The following ANGPT1 variants were observed in gnomAD, a reference collection of about 807,000 sequenced individuals.
The protein encoded by ANGPT1 is angiopoietin 1.
ANGPT1 carries 17 observed loss-of-function variants against 62.2 expected under a neutral mutation model. That is an observed-to-expected ratio of 0.27 (90% CI 0.19 to 0.41). The LOEUF (loss-of-function observed/expected upper bound fraction) is 0.41, where lower values mean the gene tolerates loss of function less well. Among genes scored for constraint, ANGPT1 ranks in the 10% least tolerant of loss-of-function variants. The pLI is 1.00. For synonymous variants in ANGPT1, 199 were observed against 198.9 expected (o/e 1.00, Z 0.00); for missense variants, 478 against 594.9 (o/e 0.80, Z 2.04).
chr8:107,372,306 G>A (rs1189682836), intron 1 of ANGPT1, among the ~76,000 whole-genome samples: 2 of 152,010 alleles, frequency 1.3e-5, no homozygotes, highest in Admixed American at 1.3e-4. Flanking sequence ...GAGAACTACT[G>A]ATATAAATAA....
At chr8:107,306,079 G>A (rs1250799377) in intron 4 of ANGPT1, among the ~76,000 whole-genome samples, 1 of 152,000 alleles carries the variant, frequency 6.6e-6, no homozygotes, top group African/African-American at 2.4e-5. Flanking sequence ...AGACAGTGAA[G>A]CATAATAAGT....
At chr8:107,274,681 A>G (rs1271856148) in intron 7 of ANGPT1, among the ~76,000 whole-genome samples, 1 of 152,134 alleles carries the variant, frequency 6.6e-6, no homozygotes, top group Non-Finnish European at 1.5e-5. Context: ...CTTTGGAGGC[A>G]GGATTTTTGA....
intron 1 of ANGPT1, among the ~76,000 whole-genome samples, chr8:107,454,310 C>T (rs1335365308): frequency 6.6e-6 from 1 of 151,346 alleles, no homozygotes. Flanking sequence ...ATGTTATCAG[C>T]AGTATTTAGA....
At chr8:107,332,523 T>C (rs1311424658) in intron 3 of ANGPT1, among the ~76,000 whole-genome samples, 2 of 152,212 alleles carry the variant, frequency 1.3e-5, no homozygotes, top group Non-Finnish European at 2.9e-5. Flanking sequence ...GTGAATCTCA[T>C]GAGGCCAAAA....
At position 107,295,502 on chromosome 8, in the gene ANGPT1, T is replaced by C. The variant is rs1198003443; in HGVS notation, c.937-1465A>G. On this transcript the variant is annotated intron_variant, in intron 5 of 8. Transcript: ENST00000517746. The stretch of plus-strand genomic sequence containing the variant: ...TGGGGGTATTATTATAAATAAAATA[T>C]GGGTCAGGTACTCAAACATCTCCAA... The C allele has an allele frequency of 2.6e-5, 4 of 152,138 alleles. No individual in the cohort carries two copies. The East Asian group carries it at 7.7e-4, about 29-fold the overall frequency. The allele number at this position is 152,138 out of a possible 1,614,324, so 9.4% of individuals were successfully genotyped here. A position where few individuals can be genotyped will look rare whatever the true frequency, so the allele number is the denominator to read the frequency against.
intron 1 of ANGPT1, among the ~76,000 whole-genome samples, chr8:107,386,023 A>T (rs1369518368): frequency 1.3e-5 from 2 of 152,030 alleles, no homozygotes; most frequent in African/African-American, 2.4e-5. Flanking sequence ...CTGAATAAAG[A>T]AAATATGGTA....
chr8:107,399,398 A>AT (rs1374529664), intron 1 of ANGPT1, among the ~76,000 whole-genome samples: 3 of 152,230 alleles, frequency 2.0e-5, no homozygotes, highest in Admixed American at 2.0e-4. Flanking sequence ...AGTTATCAGA[A>AT]TAAAGGCTTG....
At chr8:107,333,391 G>A (rs530256023) in intron 3 of ANGPT1, among the ~76,000 whole-genome samples, 53 of 152,248 alleles carry the variant, frequency 3.5e-4, no homozygotes, top group African/African-American at 1.2e-3. Context: ...GATGTGGAAT[G>A]GAAGTGTAAG....
intron 1 of ANGPT1, among the ~76,000 whole-genome samples, chr8:107,379,813 T>C (rs1463700181): frequency 6.6e-6 from 1 of 152,178 alleles, no homozygotes; most frequent in African/African-American, 2.4e-5. Context: ...AAAAAGTGAA[T>C]TTATTCAACT....
At chr8:107,299,662 G>A (rs1814518631) in intron 5 of ANGPT1, among the ~76,000 whole-genome samples, 1 of 133,140 alleles carries the variant, frequency 7.5e-6, no homozygotes, top group Non-Finnish European at 1.6e-5. Context: ...TCTATATATA[G>A]ACATATAGTT....
At chr8:107,363,087 CTTTT>C (rs34681033) in intron 1 of ANGPT1, among the ~76,000 whole-genome samples, 1 of 137,662 alleles carries the variant, frequency 7.3e-6, no homozygotes, top group African/African-American at 2.6e-5. Context: ...AACCTGAGTG[CTTTT>C]TTTTTTTTTT....
At chr8:107,424,270 C>T (rs1434544803) in intron 1 of ANGPT1, among the ~76,000 whole-genome samples, 1 of 151,968 alleles carries the variant, frequency 6.6e-6, no homozygotes, top group Admixed American at 6.6e-5. Flanking sequence ...GCCAAGCAGA[C>T]AATTGGAAAT....
chr8:107,421,585 A>G (rs937615164), intron 1 of ANGPT1, among the ~76,000 whole-genome samples: 45 of 152,180 alleles, frequency 3.0e-4, no homozygotes, highest in African/African-American at 1.1e-3. Flanking sequence ...CATCACAAGT[A>G]TACAAAAGAG....
intron 1 of ANGPT1, among the ~76,000 whole-genome samples, chr8:107,403,160 G>A (rs1192935472): frequency 1.3e-5 from 2 of 152,128 alleles, no homozygotes; most frequent in Non-Finnish European, 2.9e-5. Context: ...GATTGACATA[G>A]TTTTTTTCTT....
At chr8:107,391,735 A>G (rs1011446918) in intron 1 of ANGPT1, among the ~76,000 whole-genome samples, 2 of 152,204 alleles carry the variant, frequency 1.3e-5, no homozygotes, top group African/African-American at 4.8e-5. Context: ...ATAGCCTAGT[A>G]TACACCTAGG....
At chr8:107,372,856 C>G (rs528476768) in intron 1 of ANGPT1, among the ~76,000 whole-genome samples, 1 of 151,402 alleles carries the variant, frequency 6.6e-6, no homozygotes, top group Non-Finnish European at 1.5e-5. Flanking sequence ...AAGACGTGAG[C>G]GTGACTAGAG....
intron 5 of ANGPT1, 86 bp from the exon 6 acceptor site, chr8:107,294,123 G>C: frequency 2.8e-6 from 3 of 1,067,792 alleles, no homozygotes; most frequent in Non-Finnish European, 4.1e-6. Context: ...GGAATAAGGC[G>C]AACAGGTCTG....
At chr8:107,289,386 T>A (rs1814219818) in intron 6 of ANGPT1, among the ~76,000 whole-genome samples, 1 of 152,196 alleles carries the variant, frequency 6.6e-6, no homozygotes, top group Non-Finnish European at 1.5e-5. Flanking sequence ...GATAATGCTC[T>A]CAGGAAGCGT....
chr8:107,440,297 C>T (rs1203282456), intron 1 of ANGPT1, among the ~76,000 whole-genome samples: 2 of 151,890 alleles, frequency 1.3e-5, no homozygotes, highest in African/African-American at 2.4e-5. Context: ...TTTAAAGTTT[C>T]TACATTCCCT....
Sources: allele counts gnomAD v4.1 joint callset (sites outside exome capture counted in the v4.1 genomes callset), GRCh38; gene constraint gnomAD v4.1.1; transcripts MANE v1.5; gene names NCBI Gene and HGNC (gene_info 2026-07-23, HGNC 2026-07-21).